Variants in HEATR5A observed in about 807,000 individuals in gnomAD.
The protein encoded by HEATR5A is HEAT repeat-containing protein 5A.
HEATR5A carries 178 observed loss-of-function variants against 218.8 expected under a neutral mutation model. The ratio of observed to expected loss-of-function variants is 0.81; its 90% CI spans 0.72 to 0.92. HEATR5A has a LOEUF of 0.92. Ranked by LOEUF, HEATR5A falls within the 40% of genes least tolerant of loss-of-function variation. HEATR5A has a pLI of 0.00. For missense variants in HEATR5A, 2,420 were observed against 2,418.9 expected, an observed-to-expected ratio of 1.00 and a Z score of -0.01; for synonymous variants, 864 against 871.6, an observed-to-expected ratio of 0.99 and a Z score of 0.15.
At chr14:31,383,122 T>C (rs2030062294) in intron 10 of HEATR5A, among the ~76,000 whole-genome samples, 2 of 152,164 alleles carry the variant, frequency 1.3e-5, no homozygotes, top group African/African-American at 4.8e-5. Flanking sequence ...TTCAAAAAAA[T>C]AAAATGAGTT....
rs1465921719 is a variant in HEATR5A, at chr14:31,347,778, C to T, written c.2838G>A (p.Leu946=). The T allele has an allele frequency of 1.9e-6, 3 of 1,608,634 alleles. No homozygotes were observed. Among genetic ancestry groups the T allele is most frequent in the Non-Finnish European group, 2.5e-6 (3 of 1,177,952 alleles). ...LNSCIGILYT[L]AQDSTSPDVQ... ...CATCAGGAGAAGTGCTGTCCTGCGCCAAAGTATAAAGGATTCCAATACAAG... is the reference window on the plus strand; with the variant it reads ...CATCAGGAGAAGTGCTGTCCTGCGCTAAAGTATAAAGGATTCCAATACAAG... Residue 946 remains leucine, a synonymous_variant, in exon 19 of 36, where the codon TTG becomes TTA. Transcript: ENST00000543095.
intron 1 of HEATR5A, 142 bp from the exon 2 acceptor site, chr14:31,403,191 T>C: frequency 2.1e-6 from 1 of 476,316 alleles, no homozygotes; most frequent in Non-Finnish European, 3.7e-6. Context: ...ATCCCAATAA[T>C]GTTCTAGTTA....
chr14:31,359,729 C>CAAAAAAAAAAAAAA (rs376157768), intron 14 of HEATR5A, among the ~76,000 whole-genome samples: 2 of 32,198 alleles, frequency 6.2e-5, no homozygotes, highest in African/African-American at 8.3e-5. Context: ...CATCTCAAGA[C>CAAAAAAAAAAAAAA]AAAAAAAAAA....
At position 31,383,572 on chromosome 14, in the gene HEATR5A, C is replaced by A. The variant is rs574002658; in HGVS notation, c.1545G>T (p.Leu515Phe). ...VTGFSFAVAA[L>F]LGAVKHCPLG... ...AAGGACAATGTTTTACTGCTCCCAA[C>A]AAAGCTGCTACAGCAAAACTGAAGC... Residue 515 changes from leucine (L) to phenylalanine (F), a missense_variant, in exon 10 of 36, where the codon TTG becomes TTT. Coordinates refer to ENST00000543095, the MANE Select transcript of HEATR5A (RefSeq NM_015473.4). 4.3e-6 allele frequency: 7 copies of A among 1,613,828 alleles called. No individual in the cohort carries two copies. The highest frequency in any genetic ancestry group is 2.2e-5 in the East Asian group (1 of 44,878).
chr14:31,300,411 A>G (rs2139127873), intron 33 of HEATR5A, among the ~76,000 whole-genome samples: 1 of 151,372 alleles, frequency 6.6e-6, no homozygotes, highest in Non-Finnish European at 1.5e-5. Context: ...ATCCATTTCT[A>G]TGATGTCCAT....
intron 33 of HEATR5A, among the ~76,000 whole-genome samples, chr14:31,300,859 C>T (rs1899346897): frequency 6.6e-6 from 1 of 152,174 alleles, no homozygotes; most frequent in African/African-American, 2.4e-5. Flanking sequence ...ACTTGTGACA[C>T]TCTGCCTGAT....
chr14:31,350,719 T>A lies in HEATR5A; in HGVS notation c.2412-2A>T. 6.8e-7 allele frequency: 1 copy of A among 1,461,034 alleles called. No individual in the cohort carries two copies. Among genetic ancestry groups the A allele is most frequent in the Non-Finnish European group, 9.5e-7 (1 of 1,058,024 alleles). The allele number at this position is 1,461,034 out of a possible 1,614,324, so 90.5% of individuals were successfully genotyped here. A position where few individuals can be genotyped will look rare whatever the true frequency, so the allele number is the denominator to read the frequency against. On this transcript the variant is annotated splice_acceptor_variant, in intron 16 of 35. Transcript: ENST00000543095. LOFTEE classifies it high-confidence loss of function. ...AAAAGCTGTTCCAATATAAGAAGCC[T>A]ACAATCAGAAATAACAGGATTTAAA...
At chr14:31,384,692 A>G (rs1161990474) in intron 9 of HEATR5A, among the ~76,000 whole-genome samples, 2 of 151,840 alleles carry the variant, frequency 1.3e-5, no homozygotes, top group Non-Finnish European at 2.9e-5. Context: ...ACACCTGGCT[A>G]ATTTTTGTAT....
chr14:31,350,569 T>TA (rs1901186822), intron 17 of HEATR5A, 43 bp downstream of exon 17: 1 of 1,122,898 alleles, frequency 8.9e-7, no homozygotes, highest in African/African-American at 1.6e-5. Context: ...ACAAATTTTT[T>TA]AAAAAATGAA....
chr14:31,295,949 A>G lies in HEATR5A; in HGVS notation c.5579T>C (p.Ile1860Thr), dbSNP rs369397410. ...CTCAAGAGTAGCTTTAAATTTATCA[A>G]TACAGCGCTTCTGAAGGCATGGGAT... ...TTIPCLQKRC[I>T]DKFKATLEIK... is the part of the protein sequence containing the mutation. The change falls in exon 34 of 36, where the codon ATT (isoleucine) becomes ACT (threonine). Residue 1860 changes from isoleucine to threonine, a missense_variant. Coordinates refer to ENST00000543095, the MANE Select transcript of HEATR5A (RefSeq NM_015473.4). 2.3e-5 allele frequency: 37 copies of G among 1,613,626 alleles called. No homozygotes were observed. Among genetic ancestry groups the G allele is most frequent in the Non-Finnish European group, 3.1e-5 (37 of 1,179,722 alleles).
chr14:31,416,417 T>C (rs2031450681), intron 1 of HEATR5A, among the ~76,000 whole-genome samples: 1 of 152,198 alleles, frequency 6.6e-6, no homozygotes, highest in African/African-American at 2.4e-5. Context: ...CCACCGCATC[T>C]GGTCGATGGT....
chr14:31,335,890 G>A (rs1160638742), intron 22 of HEATR5A, among the ~76,000 whole-genome samples: 9 of 151,946 alleles, frequency 5.9e-5, no homozygotes, highest in South Asian at 4.2e-4. Context: ...CCTGACCTCC[G>A]GTGATCTGCC....
At chr14:31,322,256 T>C (rs1310378872) in intron 24 of HEATR5A, among the ~76,000 whole-genome samples, 2 of 152,172 alleles carry the variant, frequency 1.3e-5, no homozygotes, top group Non-Finnish European at 2.9e-5. Flanking sequence ...TGTGGAGAGA[T>C]ATAAGAAAAT....
At chr14:31,375,881 A>AT (rs1902209098) in intron 11 of HEATR5A, among the ~76,000 whole-genome samples, 1 of 152,208 alleles carries the variant, frequency 6.6e-6, no homozygotes. Flanking sequence ...AACATTATCA[A>AT]TTTTTTAAAA....
In HEATR5A at chr14:31,350,623, T is replaced by C. The variant is rs1202460052; in HGVS notation, c.2506A>G (p.Ser836Gly). The C allele has an allele frequency of 6.4e-7, 1 of 1,569,812 alleles. No individual in the cohort carries two copies. Among genetic ancestry groups the C allele is most frequent in the Non-Finnish European group, 8.7e-7 (1 of 1,150,036 alleles). Residue 836 changes from serine to glycine, a missense_variant, in exon 17 of 36, where the codon AGT becomes GGT. By Grantham distance (56) the Ser-to-Gly change is moderately conservative. Transcript: ENST00000543095. ...VQLHVVSSVSSFLKYVAGSKG... is the reference protein window; with the variant it reads ...VQLHVVSSVSGFLKYVAGSKG... ...AAAATAATAATTACCTTCAAGAAAC[T>C]AGAAACTGAAGAAACAACATGTAAC...
rs779209683 is a variant in HEATR5A at position 31,308,018 on chromosome 14, T to C, written c.4693A>G (p.Ile1565Val). The change falls in exon 30 of 36, where the codon ATC becomes GTC. Residue 1565 changes from isoleucine to valine, a missense_variant and splice_region_variant. Coordinates refer to ENST00000543095, the MANE Select transcript of HEATR5A (RefSeq NM_015473.4). ...YTDRFHLILG[I>V]SVEFLCSLRS... ...AAGGAACATAGAAATTCCACGCTGATTCCTGTGGAAAGCAAAAAAAGAGGA... is the reference window on the plus strand; with the variant it reads ...AAGGAACATAGAAATTCCACGCTGACTCCTGTGGAAAGCAAAAAAAGAGGA... 5 of 1,600,902 alleles carry C rather than the reference T, an allele frequency of 3.1e-6. No homozygotes were observed. The highest frequency in any genetic ancestry group is 1.1e-5 in the South Asian group (1 of 87,222).
chr14:31,296,204 G>T, intron 33 of HEATR5A, 141 bp from the exon 34 acceptor site: 2 of 562,800 alleles, frequency 3.6e-6, no homozygotes, highest in Non-Finnish European at 3.1e-6. Flanking sequence ...CCTGGCAAAG[G>T]TACATTTTAA....
Position 31,383,502 on chromosome 14 carries a change from T to TA in HEATR5A, c.1596+18dup. ...ACAAAAAGCACCTCATTATCATACATAGAGAATGAAATCATTACCTTGCCT... is the reference window on the plus strand; with the variant it reads ...ACAAAAAGCACCTCATTATCATACATAAGAGAATGAAATCATTACCTTGCCT... On this transcript the variant is annotated intron_variant, in intron 10 of 35. Transcript: ENST00000543095. The TA allele has an allele frequency of 1.2e-6, 2 of 1,601,142 alleles. No homozygotes were observed. Among genetic ancestry groups the TA allele is most frequent in the African/African-American group, 2.7e-5 (2 of 74,696 alleles).
At chr14:31,344,944 G>T in intron 20 of HEATR5A, 143 bp downstream of exon 20, 1 of 663,758 alleles carries the variant, frequency 1.5e-6, no homozygotes, top group Non-Finnish European at 2.5e-6. Flanking sequence ...CAAGGTAAGA[G>T]AAATCAGGCT....
Sources: gnomAD v4.1 joint callset for allele counts (sites outside exome capture counted in the v4.1 genomes callset) on GRCh38, gnomAD v4.1.1 for gene constraint, MANE v1.5 for transcripts, NCBI Gene and HGNC (gene_info 2026-07-23, HGNC 2026-07-21) for gene names.